Variants in CDKAL1 observed in about 807,000 individuals in gnomAD.
CDKAL1 encodes threonylcarbamoyladenosine tRNA methylthiotransferase.
CDKAL1 carries 32 observed loss-of-function variants against 68.2 expected under a neutral mutation model. The observed-to-expected ratio is 0.47, with a 90% CI of 0.35 to 0.63. CDKAL1 has a LOEUF of 0.63. Among genes scored for constraint, CDKAL1 ranks in the 30% least tolerant of loss-of-function variants. CDKAL1 has a pLI of 0.00. For missense variants in CDKAL1, 606 were observed against 696.7 expected, an observed-to-expected ratio of 0.87 and a Z score of 1.47; for synonymous variants, 234 against 244.3, an observed-to-expected ratio of 0.96 and a Z score of 0.39.
intron 13 of CDKAL1, among the ~76,000 whole-genome samples, chr6:21,162,156 T>C (rs1776954993): frequency 3.3e-5 from 5 of 152,170 alleles, no homozygotes; most frequent in Non-Finnish European, 1.5e-5. Context: ...GAATTCTAAT[T>C]TGCCAAGCCA....
intron 4 of CDKAL1, among the ~76,000 whole-genome samples, chr6:20,550,636 C>T (rs1763781943): frequency 6.6e-6 from 1 of 151,952 alleles, no homozygotes; most frequent in Non-Finnish European, 1.5e-5. Flanking sequence ...GTTGTGAGGT[C>T]CTCTTGGGGG....
intron 9 of CDKAL1, among the ~76,000 whole-genome samples, chr6:20,851,462 C>G (rs987096174): frequency 6.6e-6 from 1 of 152,120 alleles, no homozygotes; most frequent in Non-Finnish European, 1.5e-5. Flanking sequence ...GGAAACAACA[C>G]CTTTCACCGC....
intron 11 of CDKAL1, among the ~76,000 whole-genome samples, chr6:21,002,656 TTAA>T (rs1767489405): frequency 2.0e-5 from 3 of 146,372 alleles, no homozygotes; most frequent in Admixed American, 6.9e-5. Context: ...GTAACCTATT[TTAA>T]AAAAAAAAAA....
chr6:21,116,434 C>T (rs1005618181), intron 13 of CDKAL1, among the ~76,000 whole-genome samples: 7 of 152,186 alleles, frequency 4.6e-5, no homozygotes, highest in Non-Finnish European at 1.0e-4. Flanking sequence ...TACATATGCA[C>T]ATAACTCATT....
chr6:20,989,034 G>A (rs527423869), intron 10 of CDKAL1, among the ~76,000 whole-genome samples: 1 of 151,932 alleles, frequency 6.6e-6, no homozygotes, highest in African/African-American at 2.4e-5. Flanking sequence ...GCCATCCCAA[G>A]TCATATGGCT....
At chr6:20,565,386 G>T (rs1291114344) in intron 4 of CDKAL1, among the ~76,000 whole-genome samples, 1 of 151,994 alleles carries the variant, frequency 6.6e-6, no homozygotes, top group Non-Finnish European at 1.5e-5. Flanking sequence ...TCACTTTTTA[G>T]GGTACCATGC....
At chr6:20,853,386 C>CA (rs751328082) in intron 9 of CDKAL1, among the ~76,000 whole-genome samples, 9,059 of 31,982 alleles carry the variant, frequency 0.28, 430 homozygotes, top group East Asian at 0.52. Flanking sequence ...TCTCAAAAAA[C>CA]AAAACAAAAA....
chr6:20,866,448 AAAAC>A (rs1172986551), intron 9 of CDKAL1, among the ~76,000 whole-genome samples: 1 of 152,206 alleles, frequency 6.6e-6, no homozygotes, highest in Admixed American at 6.5e-5. Context: ...ACTCAGAAAA[AAAAC>A]TGTTTCAGAC....
intron 13 of CDKAL1, among the ~76,000 whole-genome samples, chr6:21,193,557 G>T (rs1469946697): frequency 1.3e-5 from 2 of 152,054 alleles, no homozygotes; most frequent in African/African-American, 4.8e-5. Flanking sequence ...GAAAGTGAAG[G>T]CCCAAAACAT....
Position 21,107,477 on chromosome 6 carries a change from G to GACC in CDKAL1, c.1237-923_1237-922insCCA, listed in dbSNP as rs1174442082. Among the ~76,000 whole-genome samples, 3 of 151,952 alleles carry GACC rather than the reference G, an allele frequency of 2.0e-5. No individual in the cohort carries two copies. The East Asian group carries it at 5.8e-4, about 29-fold the overall frequency. ...GAGTCTCCCTCTGTTGCCCAGGCTG[G>GACC]AGTGCAGTGGTACAATCTTGGCTCA... On this transcript the variant is annotated intron_variant, in intron 12 of 15. Transcript: ENST00000274695.
At chr6:20,657,025 A>G (rs924577851) in intron 5 of CDKAL1, among the ~76,000 whole-genome samples, 4 of 152,220 alleles carry the variant, frequency 2.6e-5, no homozygotes, top group African/African-American at 9.6e-5. Context: ...AACATTGGGA[A>G]AATATCAGAT....
chr6:20,791,617 A>G (rs1162443558), intron 8 of CDKAL1, among the ~76,000 whole-genome samples: 1 of 152,104 alleles, frequency 6.6e-6, no homozygotes. Context: ...GAGAATGGGG[A>G]ATATGGGGCT....
chr6:20,889,926 A>G (rs905128679), intron 9 of CDKAL1, among the ~76,000 whole-genome samples: 1 of 152,078 alleles, frequency 6.6e-6, no homozygotes, highest in East Asian at 1.9e-4. Flanking sequence ...TGGGTAAAAA[A>G]AATTTTTTTT....
At chr6:20,543,876 A>C (rs1256863133) in intron 2 of CDKAL1, among the ~76,000 whole-genome samples, 2 of 151,340 alleles carry the variant, frequency 1.3e-5, no homozygotes, top group African/African-American at 4.9e-5. Flanking sequence ...AGCTGGGATT[A>C]CAGGCGTGCA....
At chr6:20,852,419 A>G (rs1759066030) in intron 9 of CDKAL1, among the ~76,000 whole-genome samples, 1 of 152,242 alleles carries the variant, frequency 6.6e-6, no homozygotes, top group Admixed American at 6.5e-5. Flanking sequence ...TTTTTGACTA[A>G]TGATAGAAAT....
At chr6:20,656,140 G>A (rs987365561) in intron 5 of CDKAL1, among the ~76,000 whole-genome samples, 5 of 152,126 alleles carry the variant, frequency 3.3e-5, no homozygotes, top group East Asian at 1.9e-4. Flanking sequence ...GATTTTAACC[G>A]AGGCAGTCTG....
intron 9 of CDKAL1, among the ~76,000 whole-genome samples, chr6:20,863,771 A>G (rs932231218): frequency 5.3e-5 from 8 of 152,378 alleles, no homozygotes; most frequent in Admixed American, 2.6e-4. Context: ...ATAATGCCAA[A>G]CTAGGTAATA....
intron 13 of CDKAL1, among the ~76,000 whole-genome samples, chr6:21,155,061 TTTTA>T (rs1304919472): frequency 6.6e-6 from 1 of 152,132 alleles, no homozygotes; most frequent in East Asian, 1.9e-4. Context: ...TTTTGATTGC[TTTTA>T]TTTAAAACGT....
At chr6:21,091,857 C>CT (rs70990099) in intron 12 of CDKAL1, among the ~76,000 whole-genome samples, 1 of 70,538 alleles carries the variant, frequency 1.4e-5, no homozygotes, top group Non-Finnish European at 2.6e-5. Context: ...TCAGAACTTT[C>CT]TTTTTTTTTT....
Sources: gnomAD v4.1 joint callset for allele counts (sites outside exome capture counted in the v4.1 genomes callset) on GRCh38, gnomAD v4.1.1 for gene constraint, MANE v1.5 for transcripts, NCBI Gene and HGNC (gene_info 2026-07-23, HGNC 2026-07-21) for gene names.